PGS1: variants seen among roughly 807,000 people sequenced by gnomAD.
The protein encoded by PGS1 is phosphatidylglycerophosphate synthase 1, also known as CDP-diacylglycerol--glycerol-3-phosphate 3-phosphatidyltransferase, mitochondrial.
A neutral mutation model predicts 58.3 loss-of-function variants in PGS1; 44 were observed. The observed-to-expected ratio is 0.75, with a 90% confidence interval of 0.59 to 0.97. The LOEUF (loss-of-function observed/expected upper bound fraction) is 0.97, where lower values mean the gene tolerates loss of function less well. PGS1 is among the 50% of genes least tolerant of loss of function. PGS1 has a pLI of 0.00. For missense variants in PGS1, 684 were observed against 731.1 expected (o/e 0.94, Z 0.74); for synonymous variants, 330 against 311.0 (o/e 1.06, Z -0.64).
Position 78,396,344 on chromosome 17 carries a change from G to T in PGS1, c.370G>T (p.Ala124Ser). The T allele has an allele frequency of 6.2e-7, 1 of 1,613,718 alleles. No individual in the cohort carries two copies. The highest frequency in any genetic ancestry group is 8.5e-7 in the Non-Finnish European group (1 of 1,179,756). The change falls in exon 3 of 10, where the codon GCA becomes TCA. Residue 124 changes from alanine (A) to serine (S), a missense_variant. Coordinates refer to ENST00000262764, the MANE Select transcript of PGS1 (RefSeq NM_024419.5). ...IRVAKRRVVM[A>S]SLYLGTGPLE... ...AGTAGCCAAGAGGCGGGTCGTGATG[G>T]CATCCCTCTACCTGGGGACAGGTCC...
intron 8 of PGS1, 95 bp downstream of exon 8, chr17:78,415,122 C>T: frequency 7.1e-7 from 1 of 1,411,588 alleles, no homozygotes; most frequent in Non-Finnish European, 9.8e-7. Context: ...GAGCTGTTTC[C>T]TGAGGCAACG....
intron 3 of PGS1, 73 bp from the exon 4 acceptor site, chr17:78,398,179 G>A: frequency 1.8e-6 from 2 of 1,085,730 alleles, no homozygotes; most frequent in South Asian, 2.5e-5. Flanking sequence ...TAGCCGATGG[G>A]GCGATTTGTT....
intron 1 of PGS1, among the ~76,000 whole-genome samples, chr17:78,390,319 C>T (rs899747318): frequency 3.4e-5 from 3 of 87,726 alleles, no homozygotes; most frequent in East Asian, 2.6e-4. Flanking sequence ...CCTCTAGAGA[C>T]GGGGGTGGGG....
At chr17:78,391,189 C>G (rs781432578) in intron 1 of PGS1, among the ~76,000 whole-genome samples, 2 of 152,116 alleles carry the variant, frequency 1.3e-5, no homozygotes, top group Non-Finnish European at 2.9e-5. Context: ...CTCAGGTAAT[C>G]TGCACGCCTC....
intron 6 of PGS1, among the ~76,000 whole-genome samples, chr17:78,403,016 C>G (rs1046078753): frequency 3.3e-5 from 5 of 152,202 alleles, no homozygotes; most frequent in African/African-American, 1.2e-4. Context: ...GGAAGCTTTC[C>G]CACATGGTGA....
At chr17:78,420,248 C>T in intron 9 of PGS1, 2 of 988,634 alleles carry the variant, frequency 2.0e-6, no homozygotes, top group Non-Finnish European at 2.4e-6. Flanking sequence ...AGTTGAGTAA[C>T]AGGACCTGCT....
chr17:78,423,364 C>CTTACTTGTAAAAGGTCCTGTTG (rs2086119539), intron 9 of PGS1, among the ~76,000 whole-genome samples: 2 of 152,138 alleles, frequency 1.3e-5, no homozygotes, highest in Non-Finnish European at 2.9e-5. Flanking sequence ...GGTGTGTTTC[C>CTTACTTGTAAAAGGTCCTGTTG]TTACTTGTAA....
At chr17:78,395,208 C>T (rs775307092) in intron 2 of PGS1, among the ~76,000 whole-genome samples, 26 of 152,246 alleles carry the variant, frequency 1.7e-4, no homozygotes, top group Non-Finnish European at 3.1e-4. Flanking sequence ...CTGTAGTAAA[C>T]AGTCAGATAT....
At chr17:78,388,649 T>G (rs941241802) in intron 1 of PGS1, among the ~76,000 whole-genome samples, 6 of 152,000 alleles carry the variant, frequency 3.9e-5, no homozygotes, top group Non-Finnish European at 7.4e-5. Flanking sequence ...CCAGCCCAGT[T>G]TCTTCTGCTT....
chr17:78,379,842 T>A lies in PGS1; in HGVS notation c.143+1034T>A, dbSNP rs551792029. ...AAAACTCTGTTTCAAAAAAAAAAAA[T>A]TCTCTTGTGTGCAAATAGTTTTCTT... On this transcript the variant is annotated intron_variant, in intron 1 of 9. Coordinates refer to ENST00000262764, the MANE Select transcript of PGS1 (RefSeq NM_024419.5). Among the ~76,000 whole-genome samples the A allele has an allele frequency of 5.0e-4, 76 of 151,070 alleles. 2 individuals are homozygous for A. The East Asian group carries it at 0.014, about 27-fold the overall frequency.
chr17:78,420,787 G>C (rs2085659070), intron 9 of PGS1: 1 of 152,160 alleles, frequency 6.6e-6, no homozygotes, highest in African/African-American at 2.4e-5. Flanking sequence ...GCCATTTCCT[G>C]CCCTCCCTTC....
At chr17:78,418,941 A>G (rs2085448590) in intron 8 of PGS1, among the ~76,000 whole-genome samples, 1 of 152,058 alleles carries the variant, frequency 6.6e-6, no homozygotes, top group Non-Finnish European at 1.5e-5. Flanking sequence ...TATTTTTTCC[A>G]CCAGTTATAT....
intron 9 of PGS1, among the ~76,000 whole-genome samples, chr17:78,422,429 TTGGAAAAATGTTTTTGCAAAACTTGA>T: frequency 6.6e-6 from 1 of 152,326 alleles, no homozygotes; most frequent in Admixed American, 6.5e-5. Context: ...GTGAGTAAAC[TTGGAAAAATGTTTTTGCAAAACTTGA>T]TGATCAAGCT....
At chr17:78,383,170 T>C (rs1567932931) in intron 1 of PGS1, among the ~76,000 whole-genome samples, 1 of 152,164 alleles carries the variant, frequency 6.6e-6, no homozygotes, top group Non-Finnish European at 1.5e-5. Flanking sequence ...GTGTGTTGGA[T>C]GGGTTAGGGG....
At chr17:78,417,227 T>G (rs1039722988) in intron 8 of PGS1, among the ~76,000 whole-genome samples, 17 of 152,170 alleles carry the variant, frequency 1.1e-4, no homozygotes, top group African/African-American at 4.1e-4. Context: ...TTCTGGTAAT[T>G]TAGTTGCAAT....
rs1327584949 is a variant in PGS1, at chr17:78,423,598, C to G, written c.*11-463C>G. 5 of 353,306 alleles carry G rather than the reference C, an allele frequency of 1.4e-5. No individual in the cohort carries two copies. In the East Asian group the frequency reaches 2.8e-4, roughly 20 times the overall value. 21.9% of individuals were successfully genotyped at this position (353,306 alleles called of 1,614,324 possible). On this transcript the variant is annotated intron_variant, in intron 9 of 9. Coordinates refer to ENST00000262764, the MANE Select transcript of PGS1 (RefSeq NM_024419.5). The stretch of plus-strand genomic sequence containing the variant: ...GAAGTCAGGATTTGGGATTTACTTC[C>G]TGGAATGCTTGCCTCTGGCTGCTGG...
chr17:78,382,029 C>G (rs1257360828), intron 1 of PGS1, among the ~76,000 whole-genome samples: 2 of 152,042 alleles, frequency 1.3e-5, no homozygotes, highest in Non-Finnish European at 2.9e-5. Flanking sequence ...CATGGCAGTA[C>G]CTTGGAGAGG....
intron 5 of PGS1, chr17:78,399,822 C>T (rs1567967700): frequency 2.1e-6 from 1 of 476,908 alleles, no homozygotes; most frequent in Non-Finnish European, 3.8e-6. Flanking sequence ...ATTTTCCTCA[C>T]TGTGTACATG....
intron 8 of PGS1, among the ~76,000 whole-genome samples, chr17:78,416,897 C>T (rs1441502181): frequency 4.6e-5 from 7 of 152,182 alleles, no homozygotes; most frequent in Admixed American, 4.6e-4. Context: ...CCCCACAACC[C>T]AGAAAGTCCC....
Sources: gnomAD v4.1 joint callset for allele counts (sites outside exome capture counted in the v4.1 genomes callset) on GRCh38, gnomAD v4.1.1 for gene constraint, MANE v1.5 for transcripts, NCBI Gene and HGNC (gene_info 2026-07-23, HGNC 2026-07-21) for gene names.